Variants in PLXDC1 observed in about 807,000 individuals in gnomAD.
The protein encoded by PLXDC1 is plexin domain-containing protein 1.
PLXDC1 carries 39 observed loss-of-function variants against 61.3 expected under a neutral mutation model. The ratio of observed to expected loss-of-function variants is 0.64; its 90% confidence interval spans 0.49 to 0.83. The LOEUF (loss-of-function observed/expected upper bound fraction) is 0.83, where lower values mean the gene tolerates loss of function less well. Among genes scored for constraint, PLXDC1 ranks in the 40% least tolerant of loss-of-function variants. The pLI, the probability that PLXDC1 is intolerant of heterozygous loss-of-function variation, is 0.00. For synonymous variants in PLXDC1, 212 were observed against 254.5 expected, an observed-to-expected ratio of 0.83 and a Z score of 1.59; for missense variants, 596 against 666.5, an observed-to-expected ratio of 0.89 and a Z score of 1.17.
chr17:39,127,783 A>G (rs1911354111), intron 2 of PLXDC1, among the ~76,000 whole-genome samples: 1 of 151,186 alleles, frequency 6.6e-6, no homozygotes, highest in South Asian at 2.1e-4. Context: ...GTGAAACCCC[A>G]TCTCTACTAA....
chr17:39,133,309 C>A (rs1330066065), intron 2 of PLXDC1, among the ~76,000 whole-genome samples: 1 of 152,064 alleles, frequency 6.6e-6, no homozygotes, highest in East Asian at 1.9e-4. Flanking sequence ...GGGTATGGAG[C>A]CACCTGAGTC....
intron 1 of PLXDC1, among the ~76,000 whole-genome samples, chr17:39,141,483 C>G (rs1478127589): frequency 6.6e-6 from 1 of 152,188 alleles, no homozygotes; most frequent in Non-Finnish European, 1.5e-5. Context: ...CTTTTGAAGG[C>G]TGAATAATAT....
chr17:39,121,761 G>A (rs1220412735), intron 2 of PLXDC1, among the ~76,000 whole-genome samples: 1 of 152,122 alleles, frequency 6.6e-6, no homozygotes, highest in Non-Finnish European at 1.5e-5. Context: ...TTATGGCTAG[G>A]TATGGCTACA....
chr17:39,071,131 T>G (rs1361499332), intron 12 of PLXDC1, among the ~76,000 whole-genome samples: 1 of 152,156 alleles, frequency 6.6e-6, no homozygotes, highest in Non-Finnish European at 1.5e-5. Context: ...GAGAGTATTT[T>G]CCACAGAGCT....
At chr17:39,115,149 T>TC (rs3837825) in intron 2 of PLXDC1, among the ~76,000 whole-genome samples, 19,631 of 152,252 alleles carry the variant, frequency 0.13, 1,490 homozygotes, top group Middle Eastern at 0.2. Flanking sequence ...ACCTGGATGA[T>TC]CCCTGGACTC....
chr17:39,150,263 CTCT>C (rs778614725), intron 1 of PLXDC1, among the ~76,000 whole-genome samples: 5 of 152,068 alleles, frequency 3.3e-5, no homozygotes, highest in Non-Finnish European at 5.9e-5. Context: ...CCCCAACATA[CTCT>C]TCTTCTCAAT....
chr17:39,135,123 T>C (rs553193661), intron 2 of PLXDC1, among the ~76,000 whole-genome samples: 2 of 152,318 alleles, frequency 1.3e-5, no homozygotes, highest in African/African-American at 4.8e-5. Flanking sequence ...AGCCTGCCCA[T>C]GAGGCCTTCG....
intron 2 of PLXDC1, among the ~76,000 whole-genome samples, chr17:39,112,511 G>A (rs1427401922): frequency 2.2e-5 from 3 of 136,976 alleles, no homozygotes; most frequent in Admixed American, 8.3e-5. Flanking sequence ...AGGCTGGAGT[G>A]CAGTGGTGCG....
chr17:39,139,365 C>A (rs1219437947), intron 2 of PLXDC1, among the ~76,000 whole-genome samples: 4 of 152,176 alleles, frequency 2.6e-5, no homozygotes, highest in Non-Finnish European at 5.9e-5. Flanking sequence ...ATGGGAGAGT[C>A]CAGTTTCAGG....
rs564016882 is a variant in PLXDC1, at chr17:39,079,944, G to C, written c.990-780C>G. 4.9e-5 allele frequency: 10 copies of C among 204,426 alleles called. No individual in the cohort carries two copies. In the South Asian group the frequency reaches 7.5e-4, roughly 15 times the overall value. The allele number at this position is 204,426 out of a possible 1,614,324, so 12.7% of individuals were successfully genotyped here. On this transcript the variant is annotated intron_variant, in intron 9 of 13. Transcript: ENST00000315392. ...AGGTTTGGTGAGGCCAAGGGCCAAGGCTTGCCAGGAGCTGTCAGTCTTTCC... is the reference window on the plus strand; with the variant it reads ...AGGTTTGGTGAGGCCAAGGGCCAAGCCTTGCCAGGAGCTGTCAGTCTTTCC...
chr17:39,077,587 T>G (rs1909389385), intron 11 of PLXDC1, among the ~76,000 whole-genome samples: 1 of 152,200 alleles, frequency 6.6e-6, no homozygotes, highest in South Asian at 2.1e-4. Context: ...GCTATTAAGA[T>G]TAGCTGAGAT....
rs1384248567 is a variant in PLXDC1 at position 39,063,506 on chromosome 17, CT to C, written c.*4333del. 1.4e-6 allele frequency: 1 copy of C among 702,986 alleles called. No individual in the cohort carries two copies. The highest frequency in any genetic ancestry group is 2.0e-5 in the Admixed American group (1 of 49,994). 43.5% of individuals were successfully genotyped at this position (702,986 alleles called of 1,614,324 possible). On this transcript the variant is annotated 3_prime_UTR_variant, in exon 14 of 14. Transcript: ENST00000315392. Reference sequence around the variant, plus strand: ...CTGGAGGCTGTTCCCACAGTCATGTCTCAGCGAAGAAGTCGGAGTTCAGCAG... The same window carrying C: ...CTGGAGGCTGTTCCCACAGTCATGTCCAGCGAAGAAGTCGGAGTTCAGCAG...
chr17:39,087,711 G>C lies in PLXDC1; in HGVS notation c.812-9C>G, dbSNP rs373087189. 5 of 1,604,160 alleles carry C rather than the reference G, an allele frequency of 3.1e-6. No individual in the cohort carries two copies. The highest frequency in any genetic ancestry group is 1.3e-5 in the African/African-American group (1 of 74,796). On this transcript the variant is annotated splice_polypyrimidine_tract_variant and intron_variant, in intron 7 of 13. Transcript: ENST00000315392. ...GCTCCTTCGCCGAGATTCTGAAACA[G>C]AGGCAGAGCCTGTTGTCAGGAGCAT... is the stretch of plus-strand genomic sequence containing the variant.
chr17:39,124,447 G>A (rs1911257947), intron 2 of PLXDC1, among the ~76,000 whole-genome samples: 1 of 152,150 alleles, frequency 6.6e-6, no homozygotes, highest in African/African-American at 2.4e-5. Context: ...GACAAAACTA[G>A]CTGGGTGTGG....
At chr17:39,136,350 C>A in intron 2 of PLXDC1, among the ~76,000 whole-genome samples, 1 of 152,102 alleles carries the variant, frequency 6.6e-6, no homozygotes, top group East Asian at 1.9e-4. Context: ...TACTTCAATG[C>A]AATATTTTAA....
intron 2 of PLXDC1, among the ~76,000 whole-genome samples, chr17:39,125,406 A>T (rs1413817676): frequency 6.6e-6 from 1 of 152,054 alleles, no homozygotes; most frequent in Non-Finnish European, 1.5e-5. Context: ...GAGGATATGG[A>T]CTGGCATTGG....
In PLXDC1 at chr17:39,151,395, C is replaced by T; in HGVS notation, c.43G>A (p.Ala15Thr). ...LWLLVLVLRE[A>T]ARALSPQPGA... ...GGCTGGGGGCTCAGCGCCCGGGCAG[C>T]CTCCCTGAGCACCAGCACCAGGAGC... The change falls in exon 1 of 14, where the codon GCT becomes ACT. Residue 15 changes from alanine (A) to threonine (T), a missense_variant. Coordinates refer to ENST00000315392, the MANE Select transcript of PLXDC1 (RefSeq NM_020405.5). This position sits in a 1 kb window ranked among gnomAD's most constrained non-coding sequence, Gnocchi z 5.2. The T allele has an allele frequency of 7.7e-7, 1 of 1,295,528 alleles. No individual in the cohort carries two copies. The highest frequency in any genetic ancestry group is 9.8e-7 in the Non-Finnish European group (1 of 1,020,014). 80.3% of individuals were successfully genotyped at this position (1,295,528 alleles called of 1,614,324 possible).
chr17:39,078,432 C>T (rs978483567), intron 10 of PLXDC1, among the ~76,000 whole-genome samples: 14 of 152,194 alleles, frequency 9.2e-5, no homozygotes, highest in Non-Finnish European at 1.8e-4. Flanking sequence ...GGGGCAATGG[C>T]CCCCAGCTTT....
chr17:39,093,683 T>A (rs1004370448), intron 7 of PLXDC1, among the ~76,000 whole-genome samples: 1 of 151,368 alleles, frequency 6.6e-6, no homozygotes, highest in African/African-American at 2.4e-5. Context: ...ACTATTGCAC[T>A]CCGGCCTGGG....
Sources: allele counts gnomAD v4.1 joint callset (sites outside exome capture counted in the v4.1 genomes callset), GRCh38; gene constraint gnomAD v4.1.1; non-coding constraint Gnocchi (gnomAD v3.1); transcripts MANE v1.5; gene names NCBI Gene and HGNC (gene_info 2026-07-23, HGNC 2026-07-21).